Variants in MARCHF1 observed in about 807,000 individuals in gnomAD.
MARCHF1 encodes membrane associated ring-CH-type finger 1, also known as E3 ubiquitin-protein ligase MARCHF1.
MARCHF1 carries 40 observed loss-of-function variants against 54.2 expected under a neutral mutation model. That is an observed-to-expected ratio of 0.74 (90% CI 0.57 to 0.96). The LOEUF is 0.96. MARCHF1 is among the 40% of genes least tolerant of loss of function. The pLI is 0.00. For missense variants in MARCHF1, 586 were observed against 656.5 expected (o/e 0.89, Z 1.17); for synonymous variants, 236 against 236.3 (o/e 1.00, Z 0.01).
chr4:164,255,888 A>G (rs1297072137), intron 1 of MARCHF1, among the ~76,000 whole-genome samples: 4 of 152,170 alleles, frequency 2.6e-5, no homozygotes, highest in African/African-American at 9.6e-5. Flanking sequence ...TATGAATGAC[A>G]TAATAAACTT....
chr4:163,744,415 C>T (rs1457109768), intron 4 of MARCHF1, among the ~76,000 whole-genome samples: 3 of 152,144 alleles, frequency 2.0e-5, no homozygotes, highest in African/African-American at 7.2e-5. Context: ...TCCTCATGTC[C>T]TTGTCTAGGT....
intron 3 of MARCHF1, among the ~76,000 whole-genome samples, chr4:163,970,360 T>A (rs1752524885): frequency 6.6e-6 from 1 of 152,198 alleles, no homozygotes; most frequent in Non-Finnish European, 1.5e-5. Context: ...TTGGGGCCAC[T>A]CAGGCCACCT....
At chr4:164,159,370 CA>C (rs1380299780) in intron 1 of MARCHF1, among the ~76,000 whole-genome samples, 4 of 151,918 alleles carry the variant, frequency 2.6e-5, no homozygotes, top group African/African-American at 9.7e-5. Flanking sequence ...TTTTCTTTAC[CA>C]CAAAACGTCC....
At chr4:164,364,004 A>AT (rs1477596355) in intron 1 of MARCHF1, among the ~76,000 whole-genome samples, 1 of 152,066 alleles carries the variant, frequency 6.6e-6, no homozygotes, top group East Asian at 1.9e-4. Context: ...TGTAACATTA[A>AT]TTTTTTGTCG....
intron 4 of MARCHF1, among the ~76,000 whole-genome samples, chr4:163,779,192 T>C (rs1305536634): frequency 6.6e-6 from 1 of 152,196 alleles, no homozygotes; most frequent in East Asian, 1.9e-4. Context: ...ATAAAATCTC[T>C]CCTTCTGTCT....
intron 4 of MARCHF1, among the ~76,000 whole-genome samples, chr4:163,787,844 A>T (rs1291416351): frequency 2.0e-5 from 3 of 152,034 alleles, no homozygotes; most frequent in Non-Finnish European, 4.4e-5. Flanking sequence ...CAGACAGATG[A>T]ATGGATAACA....
intron 3 of MARCHF1, among the ~76,000 whole-genome samples, chr4:163,865,149 C>T (rs187160638): frequency 6.6e-6 from 1 of 151,828 alleles, no homozygotes; most frequent in Non-Finnish European, 1.5e-5. Flanking sequence ...GACATACACA[C>T]TTTCTCAAGC....
At chr4:164,094,063 G>T (rs1755359525) in intron 2 of MARCHF1, among the ~76,000 whole-genome samples, 1 of 152,060 alleles carries the variant, frequency 6.6e-6, no homozygotes, top group Non-Finnish European at 1.5e-5. Flanking sequence ...ATACTTAAGA[G>T]AAATATGTAA....
In MARCHF1 at chr4:163,638,026, G is replaced by T. The variant is rs537789529; in HGVS notation, c.163-24633C>A. Among the ~76,000 whole-genome samples, 45 of 148,782 alleles carry T rather than the reference G, an allele frequency of 3.0e-4. 2 individuals carry two copies. The South Asian group carries it at 9.2e-3, about 30-fold the overall frequency. On this transcript the variant is annotated intron_variant, in intron 5 of 9. Coordinates refer to ENST00000514618, the MANE Select transcript of MARCHF1 (RefSeq NM_001394959.1). ...CAAACACCGCATTTTCTCACTCATA[G>T]GTGGGAATTGAACAATGAGGTCACA... is the stretch of plus-strand genomic sequence containing the variant.
chr4:164,290,683 TAATTC>T (rs2111365468), intron 1 of MARCHF1, among the ~76,000 whole-genome samples: 1 of 152,130 alleles, frequency 6.6e-6, no homozygotes, highest in African/African-American at 2.4e-5. Flanking sequence ...AATTCATACT[TAATTC>T]AAAGAGGGAA....
At chr4:164,151,345 C>T (rs751358366) in intron 1 of MARCHF1, among the ~76,000 whole-genome samples, 9 of 152,198 alleles carry the variant, frequency 5.9e-5, no homozygotes, top group Non-Finnish European at 1.2e-4. Flanking sequence ...ATTACGGAAA[C>T]TACCACCAGT....
intron 5 of MARCHF1, among the ~76,000 whole-genome samples, chr4:163,619,958 C>A (rs963101206): frequency 2.6e-5 from 4 of 151,922 alleles, no homozygotes; most frequent in Non-Finnish European, 4.4e-5. Context: ...CACCCATATA[C>A]CAAAACCATC....
chr4:164,189,014 A>T (rs991689753), intron 1 of MARCHF1: 9 of 699,018 alleles, frequency 1.3e-5, no homozygotes, highest in African/African-American at 1.2e-4. Context: ...TGGCCTGGAT[A>T]AGAGGGAGGG....
intron 3 of MARCHF1, among the ~76,000 whole-genome samples, chr4:163,882,572 C>T: frequency 6.6e-6 from 1 of 152,140 alleles, no homozygotes; most frequent in East Asian, 1.9e-4. Context: ...TCCTCAGAAC[C>T]TCTCACAGAG....
At chr4:164,200,915 T>G (rs763949856) in intron 1 of MARCHF1, among the ~76,000 whole-genome samples, 10 of 151,908 alleles carry the variant, frequency 6.6e-5, no homozygotes, top group Non-Finnish European at 1.2e-4. Flanking sequence ...TGGAGAGCAT[T>G]CCAGGCAGAA....
At chr4:164,190,185 CT>C in intron 1 of MARCHF1, 1 of 1,571,372 alleles carries the variant, frequency 6.4e-7, no homozygotes, top group South Asian at 1.2e-5. Flanking sequence ...GATTGAATGG[CT>C]GGAAAGCCAC....
intron 1 of MARCHF1, among the ~76,000 whole-genome samples, chr4:164,184,706 A>T (rs1435244971): frequency 1.3e-5 from 2 of 152,174 alleles, no homozygotes; most frequent in Non-Finnish European, 2.9e-5. Flanking sequence ...ATCAACTCCC[A>T]ATGTTGACCT....
At chr4:163,924,291 A>G (rs1361036005) in intron 3 of MARCHF1, among the ~76,000 whole-genome samples, 9 of 152,080 alleles carry the variant, frequency 5.9e-5, no homozygotes, top group Admixed American at 5.9e-4. Context: ...TAAGTTGTCA[A>G]GGCTGGCTGG....
At chr4:163,613,480 T>G (rs1741418175) in intron 5 of MARCHF1, 87 bp from the exon 6 acceptor site, 1 of 1,612,164 alleles carries the variant, frequency 6.2e-7, no homozygotes, top group Admixed American at 1.7e-5. Flanking sequence ...TTTAAAAAAT[T>G]ACAACAAACG....
Sources: gnomAD v4.1 joint callset for allele counts (sites outside exome capture counted in the v4.1 genomes callset) on GRCh38, gnomAD v4.1.1 for gene constraint, MANE v1.5 for transcripts, NCBI Gene and HGNC (gene_info 2026-07-23, HGNC 2026-07-21) for gene names.